CCDC85A: variants seen among roughly 807,000 people sequenced by gnomAD.
CCDC85A encodes coiled-coil domain containing 85A, also known as coiled-coil domain-containing protein 85A.
CCDC85A carries 38 observed loss-of-function variants against 50.2 expected under a neutral mutation model. That is an observed-to-expected ratio of 0.76 (90% CI 0.58 to 0.99). CCDC85A has a LOEUF of 0.99. Among genes scored for constraint, CCDC85A ranks in the 50% least tolerant of loss-of-function variants. The pLI, the probability that CCDC85A is intolerant of heterozygous loss-of-function variation, is 0.00. For synonymous variants in CCDC85A, 366 were observed against 301.4 expected (o/e 1.21, Z -2.22); for missense variants, 820 against 742.0 (o/e 1.11, Z -1.22).
intron 2 of CCDC85A, among the ~76,000 whole-genome samples, chr2:56,253,095 G>A (rs1248880236): frequency 3.3e-5 from 5 of 152,066 alleles, no homozygotes; most frequent in Admixed American, 3.3e-4. Flanking sequence ...TATTATAGGT[G>A]TATAGCTCAG....
At chr2:56,250,432 G>A (rs1669702859) in intron 2 of CCDC85A, among the ~76,000 whole-genome samples, 1 of 152,160 alleles carries the variant, frequency 6.6e-6, no homozygotes. Context: ...TGTTGAAAAA[G>A]TTATTGTACT....
intron 3 of CCDC85A, among the ~76,000 whole-genome samples, chr2:56,360,188 C>T (rs1437617044): frequency 1.3e-5 from 2 of 152,234 alleles, no homozygotes; most frequent in African/African-American, 4.8e-5. Context: ...AATGCATTCA[C>T]AATGCTTGGT....
At chr2:56,225,759 G>A (rs1403565560) in intron 2 of CCDC85A, among the ~76,000 whole-genome samples, 1 of 152,184 alleles carries the variant, frequency 6.6e-6, no homozygotes, top group African/African-American at 2.4e-5. Flanking sequence ...AAATCTTCTG[G>A]CTTGTTAACA....
rs1226100971 is a variant in CCDC85A at position 56,192,623 on chromosome 2, G to A, written c.423G>A (p.Val141=). ...RYTAGVMHKE[V]ALYLQKLKDL... ...CTGCCGGGGTGATGCACAAGGAAGT[G>A]GCCTTATACCTGCAGAAGCTGAAAG... The change falls in exon 2 of 6, where the codon GTG becomes GTA. Residue 141 remains valine (V), a synonymous_variant. Transcript: ENST00000407595. This position sits in a 1 kb window ranked among gnomAD's most constrained non-coding sequence, Gnocchi z 4.7. 1 of 1,613,836 alleles carries A rather than the reference G, an allele frequency of 6.2e-7. No homozygotes were observed. Among genetic ancestry groups the A allele is most frequent in the African/African-American group, 1.3e-5 (1 of 74,904 alleles).
At chr2:56,327,733 C>G (rs1174921247) in intron 2 of CCDC85A, among the ~76,000 whole-genome samples, 2 of 145,636 alleles carry the variant, frequency 1.4e-5, no homozygotes, top group African/African-American at 5.1e-5. Context: ...TGTCTGTATG[C>G]TTGAAAAGAG....
chr2:56,212,682 C>G (rs555579601), intron 2 of CCDC85A, among the ~76,000 whole-genome samples: 2 of 152,006 alleles, frequency 1.3e-5, no homozygotes, highest in South Asian at 4.1e-4. Flanking sequence ...TTGTGTGTAC[C>G]CGCACTGGTG....
intron 2 of CCDC85A, among the ~76,000 whole-genome samples, chr2:56,239,104 T>C (rs1669146330): frequency 6.6e-6 from 1 of 151,994 alleles, no homozygotes; most frequent in Non-Finnish European, 1.5e-5. Flanking sequence ...AAATTTAAAA[T>C]GTTGAAGAGA....
chr2:56,261,521 A>G (rs965131168), intron 2 of CCDC85A, among the ~76,000 whole-genome samples: 5 of 151,982 alleles, frequency 3.3e-5, no homozygotes, highest in Non-Finnish European at 5.9e-5. Context: ...TATTCCCACA[A>G]TGTGTGCTTC....
chr2:56,216,523 A>G (rs115323502), intron 2 of CCDC85A, among the ~76,000 whole-genome samples: 3 of 151,914 alleles, frequency 2.0e-5, no homozygotes, highest in Non-Finnish European at 4.4e-5. Context: ...ATCGACATTA[A>G]TTCTTTTTCT....
chr2:56,309,522 A>T (rs760315479), intron 2 of CCDC85A, among the ~76,000 whole-genome samples: 3 of 152,208 alleles, frequency 2.0e-5, no homozygotes, highest in Non-Finnish European at 2.9e-5. Flanking sequence ...AGATGTGACA[A>T]GATTGTGTAT....
intron 4 of CCDC85A, 111 bp downstream of exon 4, chr2:56,372,589 A>T: frequency 8.2e-7 from 1 of 1,224,572 alleles, no homozygotes; most frequent in Non-Finnish European, 1.1e-6. Context: ...TACACATGAA[A>T]GAAAGTTGTA....
chr2:56,272,923 C>G (rs916145590), intron 2 of CCDC85A, among the ~76,000 whole-genome samples: 1 of 149,560 alleles, frequency 6.7e-6, no homozygotes, highest in Non-Finnish European at 1.5e-5. Flanking sequence ...GAAAGACAGA[C>G]TAACATGACA....
At chr2:56,202,304 C>A (rs1676779608) in intron 2 of CCDC85A, among the ~76,000 whole-genome samples, 2 of 152,208 alleles carry the variant, frequency 1.3e-5, no homozygotes, top group Non-Finnish European at 2.9e-5. Context: ...GGATGGACAA[C>A]TACCAAAATG....
chr2:56,266,101 T>G lies in CCDC85A; in HGVS notation c.1240+72661T>G, dbSNP rs113078261. On this transcript the variant is annotated intron_variant, in intron 2 of 5. Transcript: ENST00000407595. The stretch of plus-strand genomic sequence containing the variant: ...TGTGAAAAAGTAGATATCATAGACA[T>G]AGAGAGTAGAATGGTGGTTACCAAA... Among the ~76,000 whole-genome samples the G allele has an allele frequency of 2.8e-3, 427 of 152,112 alleles. 4 individuals are homozygous for G. The highest frequency in any genetic ancestry group is 9.8e-3 in the African/African-American group (406 of 41,502).
intron 1 of CCDC85A, among the ~76,000 whole-genome samples, chr2:56,190,849 C>T (rs780212616): frequency 3.3e-5 from 5 of 152,168 alleles, no homozygotes; most frequent in Admixed American, 3.3e-4. Flanking sequence ...CTACCCCAGT[C>T]AGTCTGTTTT....
chr2:56,358,811 T>G (rs1383029067), intron 3 of CCDC85A, among the ~76,000 whole-genome samples: 1 of 150,878 alleles, frequency 6.6e-6, no homozygotes, highest in Non-Finnish European at 1.5e-5. Flanking sequence ...TGACATGGAG[T>G]TTCACTCTTG....
chr2:56,238,839 A>T (rs1168416816), intron 2 of CCDC85A, among the ~76,000 whole-genome samples: 1 of 152,144 alleles, frequency 6.6e-6, no homozygotes, highest in Non-Finnish European at 1.5e-5. Flanking sequence ...TTTACAGAGC[A>T]TTGAGCCATT....
chr2:56,254,571 G>C (rs76032554), intron 2 of CCDC85A, among the ~76,000 whole-genome samples: 1 of 152,108 alleles, frequency 6.6e-6, no homozygotes, highest in Admixed American at 6.5e-5. Flanking sequence ...CTTACTTTCC[G>C]CTGTTCTAGA....
In CCDC85A at chr2:56,376,908, C is replaced by T. The variant is rs1676362633; in HGVS notation, c.1572+973C>T. On this transcript the variant is annotated intron_variant, in intron 5 of 5. Transcript: ENST00000407595. ...AATTTCAAAATGATTTATCATCAGC[C>T]TGGAGATGCACTCCTCTTTTGGAGT... Among the ~76,000 whole-genome samples the T allele has an allele frequency of 2.0e-5, 3 of 152,198 alleles. No individual in the cohort carries two copies. The South Asian group carries it at 6.2e-4, about 32-fold the overall frequency.
Sources: allele counts gnomAD v4.1 joint callset (sites outside exome capture counted in the v4.1 genomes callset), GRCh38; gene constraint gnomAD v4.1.1; non-coding constraint Gnocchi (gnomAD v3.1); transcripts MANE v1.5; gene names NCBI Gene and HGNC (gene_info 2026-07-23, HGNC 2026-07-21).